The following SCML4 variants were observed in gnomAD, a reference collection of about 807,000 sequenced individuals.
SCML4 encodes Scm polycomb group protein like 4.
A neutral mutation model predicts 41.1 loss-of-function variants in SCML4; 34 were observed. That is an observed-to-expected ratio of 0.83 (90% CI 0.63 to 1.10). SCML4 has a LOEUF of 1.10. SCML4 is among the 50% of genes least tolerant of loss of function. The probability of loss-of-function intolerance (pLI) is 0.00; values close to 1 mark genes in which losing one functional copy is unlikely to be tolerated. For synonymous variants in SCML4, 214 were observed against 220.9 expected (o/e 0.97, Z 0.28); for missense variants, 522 against 534.1 (o/e 0.98, Z 0.22).
chr6:107,746,986 T>G, intron 3 of SCML4, 97 bp from the exon 4 acceptor site: 1 of 1,034,296 alleles, frequency 9.7e-7, no homozygotes, highest in Non-Finnish European at 1.4e-6. Context: ...CCATGCCCCT[T>G]TGGCCCTGGC....
At chr6:107,832,435 G>A in the SCML4 span, among the ~76,000 whole-genome samples, 1 of 152,094 alleles carries the variant, frequency 6.6e-6, no homozygotes, top group Non-Finnish European at 1.5e-5. Context: ...CCCAGCACAA[G>A]GGAGAGCCTC....
chr6:107,820,633 G>A (rs1168977019), intron 1 of SCML4, among the ~76,000 whole-genome samples: 1 of 152,172 alleles, frequency 6.6e-6, no homozygotes, highest in Admixed American at 6.5e-5. Context: ...ATGAAGGAGT[G>A]AGCCCTTGCC....
intron 1 of SCML4, among the ~76,000 whole-genome samples, chr6:107,782,499 G>A (rs1310304165): frequency 1.3e-5 from 2 of 152,288 alleles, no homozygotes; most frequent in Non-Finnish European, 2.9e-5. Context: ...ACCCGGCACT[G>A]TGGAGATTGC....
At chr6:107,716,264 A>G (rs961474046) in intron 6 of SCML4, among the ~76,000 whole-genome samples, 14 of 152,114 alleles carry the variant, frequency 9.2e-5, no homozygotes, top group African/African-American at 3.4e-4. Flanking sequence ...CATCTTCTCC[A>G]TCTCTTAGAA....
chr6:107,705,422 G>A (rs1773512136), intron 7 of SCML4, 97 bp from the exon 8 acceptor site: 5 of 1,132,780 alleles, frequency 4.4e-6, no homozygotes, highest in Non-Finnish European at 6.3e-6. Context: ...GTGTGCTCAG[G>A]GCATATGGAT....
At chr6:107,833,775 G>A in the SCML4 span, among the ~76,000 whole-genome samples, 2 of 152,214 alleles carry the variant, frequency 1.3e-5, no homozygotes, top group African/African-American at 4.8e-5. Flanking sequence ...TACAAGAAAT[G>A]TACAAGTTGG....
At chr6:107,770,797 G>GGTT (rs1562240319) in intron 2 of SCML4, among the ~76,000 whole-genome samples, 6 of 152,170 alleles carry the variant, frequency 3.9e-5, no homozygotes, top group Non-Finnish European at 7.3e-5. Context: ...TTGGGTCACA[G>GGTT]CCTCCAGGAG....
chr6:107,742,156 T>C (rs182465559), intron 5 of SCML4, among the ~76,000 whole-genome samples: 1 of 152,196 alleles, frequency 6.6e-6, no homozygotes, highest in Non-Finnish European at 1.5e-5. Flanking sequence ...AAACAATTAT[T>C]AGAGACTCTC....
intron 5 of SCML4, among the ~76,000 whole-genome samples, chr6:107,729,250 C>T (rs1776297546): frequency 6.6e-6 from 1 of 152,238 alleles, no homozygotes; most frequent in Non-Finnish European, 1.5e-5. Context: ...CAGGGCCAGG[C>T]TCCCTCTCAG....
At chr6:107,817,235 G>A (rs1208840169) in intron 1 of SCML4, among the ~76,000 whole-genome samples, 1 of 152,184 alleles carries the variant, frequency 6.6e-6, no homozygotes, top group South Asian at 2.1e-4. Flanking sequence ...CCAAGCCAAT[G>A]AATAAGAACT....
At chr6:107,833,848 G>T in the SCML4 span, among the ~76,000 whole-genome samples, 1 of 152,172 alleles carries the variant, frequency 6.6e-6, no homozygotes, top group Admixed American at 6.5e-5. Flanking sequence ...CCTCGGTCCA[G>T]AAGCTCAACC....
chr6:107,795,438 TAC>T (rs1415375773), intron 1 of SCML4, among the ~76,000 whole-genome samples: 10 of 152,238 alleles, frequency 6.6e-5, no homozygotes, highest in African/African-American at 1.2e-4. Context: ...GTCTTAAAAG[TAC>T]AGTTTGAGTT....
At chr6:107,798,883 T>G (rs1782900967) in intron 1 of SCML4, among the ~76,000 whole-genome samples, 1 of 152,138 alleles carries the variant, frequency 6.6e-6, no homozygotes, top group Non-Finnish European at 1.5e-5. Context: ...ATGTTTTAAT[T>G]TCTACATATT....
chr6:107,774,147 C>T (rs1482821417), intron 1 of SCML4, among the ~76,000 whole-genome samples: 1 of 152,132 alleles, frequency 6.6e-6, no homozygotes, highest in African/African-American at 2.4e-5. Context: ...CATTGTTAGA[C>T]AGACAAGGTG....
chr6:107,804,248 C>CGTGTGTGTGTGTGT (rs1554223036), intron 1 of SCML4, among the ~76,000 whole-genome samples: 87 of 150,744 alleles, frequency 5.8e-4, no homozygotes, highest in East Asian at 1.8e-3. Context: ...AAACATGAAA[C>CGTGTGTGTGTGTGT]GTGTGTGTGT....
At chr6:107,782,406 G>A (rs553661442) in intron 1 of SCML4, among the ~76,000 whole-genome samples, 27 of 152,194 alleles carry the variant, frequency 1.8e-4, no homozygotes, top group Non-Finnish European at 3.1e-4. Flanking sequence ...GAGGGATCCG[G>A]TCCCGGGGGG....
upstream of SCML4, among the ~76,000 whole-genome samples, chr6:107,825,907 A>C (rs1281100901): frequency 7.7e-6 from 1 of 129,118 alleles, no homozygotes; most frequent in Non-Finnish European, 1.6e-5. Flanking sequence ...ACTGCACTCC[A>C]GCCTGGGTGA....
intron 5 of SCML4, among the ~76,000 whole-genome samples, chr6:107,729,775 G>T (rs1376715387): frequency 1.3e-5 from 2 of 152,204 alleles, no homozygotes; most frequent in Non-Finnish European, 2.9e-5. Context: ...AAATTGTGAA[G>T]GTGGTAAATT....
Position 107,735,066 on chromosome 6 carries a change from C to T in SCML4, c.682+9883G>A, listed in dbSNP as rs530174008. 3.7e-4 allele frequency among the ~76,000 whole-genome samples: 57 copies of T among 152,176 alleles called. No homozygotes were observed. The South Asian group carries it at 0.011, about 30-fold the overall frequency. On this transcript the variant is annotated intron_variant, in intron 5 of 7. Coordinates refer to ENST00000369020, the MANE Select transcript of SCML4 (RefSeq NM_198081.5). ...AAGTTTTGTATTTTTAGTAGAGACACGGTTTCACCATGTTGGCCAGGCTGG... is the reference window on the plus strand; with the variant it reads ...AAGTTTTGTATTTTTAGTAGAGACATGGTTTCACCATGTTGGCCAGGCTGG...
Sources: gnomAD v4.1 joint callset for allele counts (sites outside exome capture counted in the v4.1 genomes callset) on GRCh38, gnomAD v4.1.1 for gene constraint, MANE v1.5 for transcripts, NCBI Gene and HGNC (gene_info 2026-07-23, HGNC 2026-07-21) for gene names.